The following CYRIB variants were observed in gnomAD, a reference collection of about 807,000 sequenced individuals.
CYRIB encodes the protein CYFIP-related Rac1 interactor B.
Under a neutral mutation model 44.2 loss-of-function variants are expected in CYRIB, and 8 were observed. The ratio of observed to expected loss-of-function variants is 0.18; its 90% CI spans 0.11 to 0.33. The LOEUF is 0.33. Ranked by LOEUF, CYRIB falls within the 10% of genes least tolerant of loss-of-function variation. CYRIB has a pLI of 1.00. For missense variants in CYRIB, 185 were observed against 382.8 expected (o/e 0.48, Z 4.31); for synonymous variants, 131 against 127.2 (o/e 1.03, Z -0.20).
intron 3 of CYRIB, among the ~76,000 whole-genome samples, chr8:129,872,488 C>G (rs1040098171): frequency 1.3e-5 from 2 of 152,048 alleles, no homozygotes; most frequent in African/African-American, 4.8e-5. Flanking sequence ...ATTTGTTTCT[C>G]TAAGGACAAA....
intron 2 of CYRIB, chr8:129,948,934 G>C (rs2094342308): frequency 6.6e-6 from 1 of 152,164 alleles, no homozygotes; most frequent in South Asian, 2.1e-4. Flanking sequence ...AATTAGCCGA[G>C]TACAGTGGTG....
chr8:130,010,042 C>T (rs2097184314), intron 1 of CYRIB, among the ~76,000 whole-genome samples: 1 of 152,214 alleles, frequency 6.6e-6, no homozygotes. Flanking sequence ...TCCTTAACTC[C>T]TCTGCACAAC....
intron 2 of CYRIB, among the ~76,000 whole-genome samples, chr8:129,962,140 G>A (rs1476152777): frequency 1.3e-5 from 2 of 151,862 alleles, no homozygotes; most frequent in African/African-American, 4.8e-5. Flanking sequence ...CCAGCTACTC[G>A]GGGAGGCTGA....
chr8:129,928,820 G>A (rs1050585452), intron 1 of CYRIB, among the ~76,000 whole-genome samples: 4 of 152,168 alleles, frequency 2.6e-5, no homozygotes, highest in African/African-American at 7.2e-5. Flanking sequence ...GGAAGATTCA[G>A]AGAAACTGAA....
At chr8:129,968,152 G>C (rs1331881836) in intron 2 of CYRIB, among the ~76,000 whole-genome samples, 1 of 152,166 alleles carries the variant, frequency 6.6e-6, no homozygotes, top group Non-Finnish European at 1.5e-5. Flanking sequence ...GTTCTAAGGA[G>C]TAAATGAATT....
chr8:129,899,989 A>C (rs1156450761), intron 2 of CYRIB, among the ~76,000 whole-genome samples: 1 of 152,172 alleles, frequency 6.6e-6, no homozygotes, highest in Non-Finnish European at 1.5e-5. Context: ...CCTTAACATT[A>C]GTAACTCCAT....
rs184261050 is a variant in CYRIB, at chr8:129,930,630, C to T, written c.-50+8978G>A. Reference sequence around the variant, plus strand: ...CACCATCGCACATACCATAATGGAACTTTGGCAACCCATTTCAAAAGGTTG... The same window carrying T: ...CACCATCGCACATACCATAATGGAATTTTGGCAACCCATTTCAAAAGGTTG... On this transcript the variant is annotated intron_variant, in intron 1 of 11. Transcript: ENST00000519824. Among the ~76,000 whole-genome samples the T allele has an allele frequency of 4.6e-4, 70 of 151,980 alleles. No individual in the cohort carries two copies. The South Asian group carries it at 0.01, about 22-fold the overall frequency.
chr8:129,937,292 G>GT (rs767116058), intron 1 of CYRIB, among the ~76,000 whole-genome samples: 6 of 152,184 alleles, frequency 3.9e-5, no homozygotes, highest in Non-Finnish European at 8.8e-5. Flanking sequence ...CTTAAACAAT[G>GT]TAAGAGAAAA....
At chr8:129,906,774 C>T (rs1202846250) in intron 1 of CYRIB, among the ~76,000 whole-genome samples, 5 of 152,182 alleles carry the variant, frequency 3.3e-5, no homozygotes, top group Admixed American at 3.3e-4. Flanking sequence ...CAAACAACCC[C>T]ATCAACAAGT....
At chr8:129,852,390 G>A (rs1045459876) in intron 7 of CYRIB, 112 bp from the exon 10 acceptor site, 3 of 499,896 alleles carry the variant, frequency 6.0e-6, no homozygotes, top group Admixed American at 3.4e-5. Context: ...AGACTCTCAT[G>A]TATCGATAAT....
chr8:129,906,866 C>T (rs568744331), intron 1 of CYRIB, among the ~76,000 whole-genome samples: 76 of 152,286 alleles, frequency 5.0e-4, no homozygotes, highest in Non-Finnish European at 9.6e-4. Flanking sequence ...TCATCACTGG[C>T]CATCAGAGAA....
chr8:129,937,440 T>C (rs2093014952), intron 1 of CYRIB, among the ~76,000 whole-genome samples: 1 of 152,220 alleles, frequency 6.6e-6, no homozygotes, highest in South Asian at 2.1e-4. Flanking sequence ...CAATTGTTAT[T>C]TACTATGTAA....
chr8:129,912,645 T>A (rs1445019775), intron 1 of CYRIB: 2 of 152,166 alleles, frequency 1.3e-5, no homozygotes, highest in African/African-American at 2.4e-5. Context: ...TTGGGTTTTT[T>A]AAATTTGCCT....
At chr8:129,976,563 A>G (rs1255188910) in intron 1 of CYRIB, among the ~76,000 whole-genome samples, 1 of 152,226 alleles carries the variant, frequency 6.6e-6, no homozygotes, top group Non-Finnish European at 1.5e-5. Context: ...GTCATTACAC[A>G]GGTGAACTTA....
chr8:129,876,111 T>C (rs1448652603), intron 3 of CYRIB, among the ~76,000 whole-genome samples: 1 of 148,768 alleles, frequency 6.7e-6, no homozygotes, highest in Non-Finnish European at 1.5e-5. Flanking sequence ...AGACTCCATC[T>C]CAAGAAAAAA....
At chr8:130,007,582 C>T (rs1222699122) in intron 1 of CYRIB, among the ~76,000 whole-genome samples, 1 of 151,416 alleles carries the variant, frequency 6.6e-6, no homozygotes, top group Non-Finnish European at 1.5e-5. Flanking sequence ...GTCAGGAGTT[C>T]GAGACCAGCC....
chr8:129,954,549 G>T (rs527382020), intron 2 of CYRIB, among the ~76,000 whole-genome samples: 33 of 152,202 alleles, frequency 2.2e-4, no homozygotes, highest in African/African-American at 7.9e-4. Flanking sequence ...TAGGCTGCTT[G>T]TACTTATAAG....
At chr8:129,892,907 A>G (rs1342576015) in intron 2 of CYRIB, among the ~76,000 whole-genome samples, 1 of 152,252 alleles carries the variant, frequency 6.6e-6, no homozygotes, top group Admixed American at 6.5e-5. Flanking sequence ...GGAGACAATC[A>G]TAGGATTGGG....
At chr8:129,844,456 C>T (rs1013648782) in intron 11 of CYRIB, 14 of 152,184 alleles carry the variant, frequency 9.2e-5, no homozygotes, top group East Asian at 7.7e-4. Context: ...TTTCCAAGTG[C>T]GACTGTTTTA....
Sources: allele counts gnomAD v4.1 joint callset (sites outside exome capture counted in the v4.1 genomes callset), GRCh38; gene constraint gnomAD v4.1.1; transcripts MANE v1.5; gene names NCBI Gene and HGNC (gene_info 2026-07-23, HGNC 2026-07-21).